SEMA6D: variants seen among roughly 807,000 people sequenced by gnomAD.
SEMA6D encodes the protein semaphorin 6D.
Under a neutral mutation model 106.6 loss-of-function variants are expected in SEMA6D, and 35 were observed. That is an observed-to-expected ratio of 0.33 (90% CI 0.25 to 0.44). SEMA6D has a LOEUF of 0.44. Ranked by LOEUF, SEMA6D falls within the 20% of genes least tolerant of loss-of-function variation. SEMA6D has a pLI of 1.00. For synonymous variants in SEMA6D, 499 were observed against 487.7 expected (o/e 1.02, Z -0.31); for missense variants, 1,185 against 1,345.9 (o/e 0.88, Z 1.87).
At position 47,771,392 on chromosome 15, in the gene SEMA6D, G is replaced by C. The variant is rs1567123943; in HGVS notation, c.2829G>C (p.Lys943Asn). Residue 943 changes from lysine (K) to asparagine (N), a missense_variant, in exon 19 of 19, where the codon AAG becomes AAC. Coordinates refer to ENST00000536845, the MANE Select transcript of SEMA6D (RefSeq NM_001358351.3). ...PSTLPRNSPT[K>N]RVDVPTTPGV... is the part of the protein sequence containing the mutation. ...CTCTCCCCAGAAATAGCCCAACCAA[G>C]CGAGTGGATGTCCCCACCACTCCTG... 2 of 1,613,990 alleles carry C rather than the reference G, an allele frequency of 1.2e-6. No homozygotes were observed. The highest frequency in any genetic ancestry group is 8.5e-7 in the Non-Finnish European group (1 of 1,179,968).
At chr15:47,228,653 G>C (rs1390836750) in intron 1 of SEMA6D, among the ~76,000 whole-genome samples, 4 of 151,916 alleles carry the variant, frequency 2.6e-5, no homozygotes, top group Admixed American at 6.6e-5. Context: ...TGTCACCCTG[G>C]AAGGCTGAGA....
chr15:47,417,771 G>A (rs2041022043), intron 2 of SEMA6D, among the ~76,000 whole-genome samples: 1 of 151,830 alleles, frequency 6.6e-6, no homozygotes, highest in African/African-American at 2.4e-5. Context: ...AATTTTCCAT[G>A]TGAAAGACAT....
intron 3 of SEMA6D, among the ~76,000 whole-genome samples, chr15:47,488,394 A>G (rs966962606): frequency 5.9e-5 from 9 of 151,984 alleles, no homozygotes; most frequent in African/African-American, 1.9e-4. Context: ...TATGCTATAC[A>G]TGTGATTTTC....
intron 3 of SEMA6D, among the ~76,000 whole-genome samples, chr15:47,516,194 A>G (rs993631365): frequency 2.6e-5 from 4 of 152,174 alleles, no homozygotes; most frequent in African/African-American, 9.6e-5. Context: ...TTAATTTTAT[A>G]GCCATGGTGA....
chr15:47,671,181 A>G (rs1311880846), intron 4 of SEMA6D, among the ~76,000 whole-genome samples: 1 of 152,208 alleles, frequency 6.6e-6, no homozygotes, highest in African/African-American at 2.4e-5. Flanking sequence ...GAGTAGTTTC[A>G]GCTAGATATG....
In SEMA6D at chr15:47,340,296, G is replaced by A. The variant is rs1475026323; in HGVS notation, c.-238-72097G>A. Among the ~76,000 whole-genome samples, 3 of 151,604 alleles carry A rather than the reference G, an allele frequency of 2.0e-5. No homozygotes were observed. In the East Asian group the frequency reaches 5.8e-4, roughly 29 times the overall value. On this transcript the variant is annotated intron_variant, in intron 1 of 19. Transcript: ENST00000558014. Reference sequence around the variant, plus strand: ...AGTGAGCCATGTAAACCATTCTTCAGAACAAGCATTGCCTGTGAACCAGGC... The same window carrying A: ...AGTGAGCCATGTAAACCATTCTTCAAAACAAGCATTGCCTGTGAACCAGGC...
At chr15:47,705,938 T>C (rs1205963820) in intron 4 of SEMA6D, among the ~76,000 whole-genome samples, 3 of 152,218 alleles carry the variant, frequency 2.0e-5, no homozygotes, top group Non-Finnish European at 4.4e-5. Context: ...TGAAGACTGC[T>C]TCAGTCCCAG....
intron 2 of SEMA6D, among the ~76,000 whole-genome samples, chr15:47,415,213 TAAC>T (rs772985891): frequency 1.2e-4 from 19 of 152,304 alleles, no homozygotes; most frequent in Non-Finnish European, 2.2e-4. Context: ...TAAATTATGA[TAAC>T]AACAAAATGC....
intron 17 of SEMA6D, among the ~76,000 whole-genome samples, chr15:47,768,122 A>G (rs1245744771): frequency 6.6e-6 from 1 of 152,190 alleles, no homozygotes; most frequent in African/African-American, 2.4e-5. Context: ...AAGTATTTTC[A>G]TAGACTTAAC....
chr15:47,465,381 G>A (rs985320260), intron 2 of SEMA6D, among the ~76,000 whole-genome samples: 2 of 152,152 alleles, frequency 1.3e-5, no homozygotes, highest in African/African-American at 4.8e-5. Context: ...CCGCATCCCA[G>A]TTAAAATTCT....
chr15:47,258,516 C>T (rs1375224935), intron 1 of SEMA6D, among the ~76,000 whole-genome samples: 1 of 152,180 alleles, frequency 6.6e-6, no homozygotes, highest in Non-Finnish European at 1.5e-5. Flanking sequence ...TGAATTATGT[C>T]TACCTCCTTG....
intron 1 of SEMA6D, among the ~76,000 whole-genome samples, chr15:47,255,798 A>G (rs1385841609): frequency 6.6e-6 from 1 of 152,172 alleles, no homozygotes; most frequent in African/African-American, 2.4e-5. Flanking sequence ...TATTGTGCTT[A>G]TCTCTAAAAG....
rs546244153 is a variant in SEMA6D at position 47,490,683 on chromosome 15, C to T, written c.-87+20138C>T. ...AATACAAATAGAAGCTACAAACTAGCGCAGCAATATTTGTAAACATACAGC... is the reference window on the plus strand; with the variant it reads ...AATACAAATAGAAGCTACAAACTAGTGCAGCAATATTTGTAAACATACAGC... On this transcript the variant is annotated intron_variant, in intron 3 of 19. Coordinates refer to the SEMA6D transcript ENST00000558014. Among the ~76,000 whole-genome samples the T allele has an allele frequency of 1.1e-4, 16 of 152,038 alleles. No individual in the cohort carries two copies. The East Asian group carries it at 2.1e-3, about 20-fold the overall frequency.
chr15:47,308,404 A>G lies in SEMA6D; in HGVS notation c.-238-103989A>G, dbSNP rs1051202849. Among the ~76,000 whole-genome samples the G allele has an allele frequency of 2.0e-5, 3 of 152,232 alleles. No individual in the cohort carries two copies. The East Asian group carries it at 5.8e-4, about 29-fold the overall frequency. ...ACTTCAGGTATATAGTAAACATTCA[A>G]TAAACATTAAGGCATTACCCTTCCT... On this transcript the variant is annotated intron_variant, in intron 1 of 19. Coordinates refer to the SEMA6D transcript ENST00000558014.
At chr15:47,572,124 G>C (rs530976775) in intron 3 of SEMA6D, among the ~76,000 whole-genome samples, 2 of 152,292 alleles carry the variant, frequency 1.3e-5, no homozygotes, top group South Asian at 4.1e-4. Flanking sequence ...GTTTCTGAAA[G>C]TAAAAGCCAT....
chr15:47,462,886 C>T (rs1458670689), intron 2 of SEMA6D, among the ~76,000 whole-genome samples: 1 of 152,056 alleles, frequency 6.6e-6, no homozygotes, highest in African/African-American at 2.4e-5. Context: ...CTTTATGGCT[C>T]TGTTTGTCCT....
intron 4 of SEMA6D, among the ~76,000 whole-genome samples, chr15:47,649,273 C>T (rs2077639054): frequency 6.6e-6 from 1 of 152,096 alleles, no homozygotes; most frequent in African/African-American, 2.4e-5. Context: ...AGATACATAT[C>T]TGTGGGAAAA....
intron 1 of SEMA6D, among the ~76,000 whole-genome samples, chr15:47,391,252 A>G (rs2040019628): frequency 2.0e-5 from 3 of 152,182 alleles, no homozygotes; most frequent in Non-Finnish European, 2.9e-5. Context: ...TACACACTGG[A>G]TACTGGCAGA....
intron 3 of SEMA6D, among the ~76,000 whole-genome samples, chr15:47,591,307 T>C (rs1347852314): frequency 6.6e-6 from 1 of 152,162 alleles, no homozygotes; most frequent in Admixed American, 6.6e-5. Flanking sequence ...TATTGTTGGA[T>C]TGGGGATTCA....
Sources: allele counts gnomAD v4.1 joint callset (sites outside exome capture counted in the v4.1 genomes callset), GRCh38; gene constraint gnomAD v4.1.1; transcripts MANE v1.5; gene names NCBI Gene and HGNC (gene_info 2026-07-23, HGNC 2026-07-21).